Variants in KCNQ5 observed in about 807,000 individuals in gnomAD.
The protein encoded by KCNQ5 is potassium voltage-gated channel subfamily Q member 5.
KCNQ5 carries 30 observed loss-of-function variants against 98.2 expected under a neutral mutation model. The observed-to-expected ratio is 0.31, with a 90% CI of 0.23 to 0.41. KCNQ5 has a LOEUF of 0.41. Among genes scored for constraint, KCNQ5 ranks in the 10% least tolerant of loss-of-function variants. The pLI is 1.00. For missense variants in KCNQ5, 835 were observed against 1,182.5 expected, an observed-to-expected ratio of 0.71 and a Z score of 4.31; for synonymous variants, 458 against 449.4, an observed-to-expected ratio of 1.02 and a Z score of -0.24.
At chr6:72,817,283 G>A (rs1303099895) in intron 1 of KCNQ5, among the ~76,000 whole-genome samples, 1 of 152,042 alleles carries the variant, frequency 6.6e-6, no homozygotes, top group Non-Finnish European at 1.5e-5. Flanking sequence ...GTAGAGATAA[G>A]GCTAAATTTA....
intron 1 of KCNQ5, among the ~76,000 whole-genome samples, chr6:72,996,981 C>T (rs1246921522): frequency 6.6e-6 from 1 of 152,156 alleles, no homozygotes; most frequent in East Asian, 1.9e-4. Flanking sequence ...CACACGTCTT[C>T]TGTGGTCCAG....
chr6:72,732,050 A>G (rs1235454159), intron 1 of KCNQ5, among the ~76,000 whole-genome samples: 1 of 152,238 alleles, frequency 6.6e-6, no homozygotes, highest in Non-Finnish European at 1.5e-5. Context: ...TAATTGAATC[A>G]CATGTTCCCT....
At chr6:73,047,557 A>T (rs1772027071) in intron 3 of KCNQ5, among the ~76,000 whole-genome samples, 2 of 152,268 alleles carry the variant, frequency 1.3e-5, no homozygotes, top group African/African-American at 4.8e-5. Context: ...TGATTAGCTG[A>T]TATGGTTGGA....
intron 10 of KCNQ5, among the ~76,000 whole-genome samples, chr6:73,147,809 CACAGAGGCAAACGGTATG>C (rs1418886282): frequency 6.6e-6 from 1 of 152,020 alleles, no homozygotes; most frequent in Non-Finnish European, 1.5e-5. Flanking sequence ...TGAGAGGCAT[CACAGAGGCAAACGGTATG>C]ACATTATTAA....
intron 1 of KCNQ5, among the ~76,000 whole-genome samples, chr6:72,689,970 T>A (rs1768131792): frequency 6.6e-6 from 1 of 152,038 alleles, no homozygotes; most frequent in South Asian, 2.1e-4. Flanking sequence ...TTAGCTAGAG[T>A]GGCTTACAAA....
chr6:72,745,434 C>T (rs1771337639), intron 1 of KCNQ5, among the ~76,000 whole-genome samples: 1 of 152,182 alleles, frequency 6.6e-6, no homozygotes, highest in Non-Finnish European at 1.5e-5. Context: ...TCCAATCATT[C>T]AGGATTGTCA....
intron 1 of KCNQ5, among the ~76,000 whole-genome samples, chr6:72,941,973 A>C (rs1766334424): frequency 6.6e-6 from 1 of 152,146 alleles, no homozygotes; most frequent in Non-Finnish European, 1.5e-5. Flanking sequence ...TATGTCTGAA[A>C]CACCATGCCT....
chr6:72,639,405 T>G (rs988549484), intron 1 of KCNQ5, among the ~76,000 whole-genome samples: 5 of 152,034 alleles, frequency 3.3e-5, no homozygotes, highest in African/African-American at 9.7e-5. Flanking sequence ...TGCAGTGCCA[T>G]GTGTTAGGAG....
At chr6:72,732,505 C>T (rs915113603) in intron 1 of KCNQ5, among the ~76,000 whole-genome samples, 7 of 152,034 alleles carry the variant, frequency 4.6e-5, no homozygotes, top group African/African-American at 7.2e-5. Context: ...AAAGAGAGTG[C>T]GGTTTATTCA....
intron 1 of KCNQ5, chr6:72,987,683 C>T: frequency 1.7e-6 from 1 of 598,218 alleles, no homozygotes; most frequent in Non-Finnish European, 3.0e-6. Flanking sequence ...CTCTGCTTCT[C>T]CACCGCCCCC....
At chr6:72,710,881 C>T (rs1421844421) in intron 1 of KCNQ5, among the ~76,000 whole-genome samples, 1 of 152,164 alleles carries the variant, frequency 6.6e-6, no homozygotes, top group Non-Finnish European at 1.5e-5. Context: ...CCAACAGCAA[C>T]AGGATATACA....
At chr6:72,687,627 A>G (rs1011622650) in intron 1 of KCNQ5, among the ~76,000 whole-genome samples, 9 of 152,216 alleles carry the variant, frequency 5.9e-5, no homozygotes, top group African/African-American at 2.2e-4. Flanking sequence ...TTGAAGTGCT[A>G]GGCAAATGAT....
intron 1 of KCNQ5, among the ~76,000 whole-genome samples, chr6:72,659,583 A>C (rs1766402024): frequency 6.6e-6 from 1 of 152,232 alleles, no homozygotes. Flanking sequence ...GCCTTGTTAC[A>C]GCGTCCTCTG....
At chr6:73,106,100 G>C (rs1405712355) in intron 6 of KCNQ5, among the ~76,000 whole-genome samples, 1 of 152,076 alleles carries the variant, frequency 6.6e-6, no homozygotes, top group African/African-American at 2.4e-5. Context: ...GGGAGCAGAA[G>C]TGCTTAAGGA....
chr6:72,727,659 G>A (rs896485273), intron 1 of KCNQ5, among the ~76,000 whole-genome samples: 4 of 152,112 alleles, frequency 2.6e-5, no homozygotes, highest in Non-Finnish European at 4.4e-5. Context: ...TTAGTTAGCT[G>A]TTGCCACAAT....
chr6:72,984,935 A>G (rs72945356), intron 1 of KCNQ5, among the ~76,000 whole-genome samples: 6,574 of 152,324 alleles, frequency 0.043, 189 homozygotes, highest in Non-Finnish European at 0.067. Flanking sequence ...AGTCAGGCAC[A>G]GTGGCTCACA....
chr6:72,946,395 C>T (rs866819631), intron 1 of KCNQ5, among the ~76,000 whole-genome samples: 4 of 152,184 alleles, frequency 2.6e-5, no homozygotes, highest in African/African-American at 9.6e-5. Flanking sequence ...TTAAAGACAT[C>T]ATCATCATCA....
At chr6:73,154,896 AC>A (rs997306174) in intron 10 of KCNQ5, among the ~76,000 whole-genome samples, 6 of 151,626 alleles carry the variant, frequency 4.0e-5, no homozygotes, top group African/African-American at 1.4e-4. Context: ...CAAAAACAAA[AC>A]AAAAAAATTA....
intron 1 of KCNQ5, among the ~76,000 whole-genome samples, chr6:72,925,762 T>G (rs1765391271): frequency 1.3e-5 from 2 of 152,196 alleles, no homozygotes; most frequent in South Asian, 4.1e-4. Context: ...AAGAACAACT[T>G]GTGTGAGGGA....
Sources: allele counts gnomAD v4.1 joint callset (sites outside exome capture counted in the v4.1 genomes callset), GRCh38; gene constraint gnomAD v4.1.1; transcripts MANE v1.5; gene names NCBI Gene and HGNC (gene_info 2026-07-23, HGNC 2026-07-21).